Variants in CNGB1 observed in about 807,000 individuals in gnomAD.
The protein encoded by CNGB1 is cyclic nucleotide-gated channel beta-1.
Under a neutral mutation model 151.7 loss-of-function variants are expected in CNGB1, and 126 were observed. The observed-to-expected ratio is 0.83, with a 90% CI of 0.72 to 0.96. The LOEUF is 0.96. Ranked by LOEUF, CNGB1 falls within the 40% of genes least tolerant of loss-of-function variation. The pLI is 0.00. For synonymous variants in CNGB1, 623 were observed against 635.1 expected, an observed-to-expected ratio of 0.98 and a Z score of 0.29; for missense variants, 1,698 against 1,627.0, an observed-to-expected ratio of 1.04 and a Z score of -0.75.
At chr16:57,914,598 G>A (rs1960811669) in intron 23 of CNGB1, among the ~76,000 whole-genome samples, 1 of 152,160 alleles carries the variant, frequency 6.6e-6, no homozygotes. Flanking sequence ...TCCATTTGGG[G>A]GATCCTGAAT....
At chr16:57,918,432 A>G (rs1960940368) in intron 20 of CNGB1, among the ~76,000 whole-genome samples, 1 of 152,340 alleles carries the variant, frequency 6.6e-6, no homozygotes, top group Non-Finnish European at 1.5e-5. Context: ...TAAACTCTAA[A>G]GTGCTATGCA....
At chr16:57,891,433 G>A (rs985469109) in intron 31 of CNGB1, among the ~76,000 whole-genome samples, 2 of 152,128 alleles carry the variant, frequency 1.3e-5, no homozygotes, top group Non-Finnish European at 2.9e-5. Flanking sequence ...TTGAGCCCAG[G>A]AGTTCGAGGC....
intron 32 of CNGB1, among the ~76,000 whole-genome samples, chr16:57,885,594 CTT>C (rs1959906854): frequency 7.1e-6 from 1 of 140,710 alleles, no homozygotes; most frequent in African/African-American, 2.7e-5. Context: ...TTCTTTCTTT[CTT>C]TCTTTCTTTC....
At position 57,883,491 on chromosome 16, in the gene CNGB1, G is replaced by GA. The variant is rs1169417058; in HGVS notation, c.*672dup. On this transcript the variant is annotated 3_prime_UTR_variant, in exon 33 of 33. Transcript: ENST00000251102. Reference sequence around the variant, plus strand: ...CACTGTGTCCAGCTCACTGCAGCCAGAAACTCCTGGGCTCAAGCCATCCTC... The same window carrying GA: ...CACTGTGTCCAGCTCACTGCAGCCAGAAAACTCCTGGGCTCAAGCCATCCTC... The GA allele has an allele frequency of 6.4e-6, 1 of 157,006 alleles. No individual in the cohort carries two copies. Among genetic ancestry groups the GA allele is most frequent in the Non-Finnish European group, 1.4e-5 (1 of 71,698 alleles). 9.7% of individuals were successfully genotyped at this position (157,006 alleles called of 1,614,324 possible). A position where few individuals can be genotyped will look rare whatever the true frequency, so the allele number is the denominator to read the frequency against.
At chr16:57,908,336 T>A (rs1273164330) in intron 25 of CNGB1, among the ~76,000 whole-genome samples, 1 of 152,244 alleles carries the variant, frequency 6.6e-6, no homozygotes, top group Non-Finnish European at 1.5e-5. Flanking sequence ...AGCCGCCACC[T>A]TGGACGCAAG....
intron 15 of CNGB1, 135 bp downstream of exon 15, chr16:57,940,099 G>A (rs1468075508): frequency 3.5e-5 from 31 of 896,844 alleles, no homozygotes; most frequent in Admixed American, 1.4e-4. Flanking sequence ...CGCAGGACCC[G>A]CCACCCTGCT....
chr16:57,918,985 T>G (rs1202249256), intron 20 of CNGB1, 114 bp downstream of exon 20: 5 of 1,557,110 alleles, frequency 3.2e-6, no homozygotes, highest in Non-Finnish European at 4.4e-6. Flanking sequence ...TGAACCCAGG[T>G]TGTCTGTGGC....
At chr16:57,928,589 T>A (rs1443394292) in intron 17 of CNGB1, among the ~76,000 whole-genome samples, 1 of 152,214 alleles carries the variant, frequency 6.6e-6, no homozygotes, top group East Asian at 1.9e-4. Context: ...GGTGGGATTG[T>A]AGATGATTAT....
At chr16:57,895,442 T>A (rs1596952938) in intron 31 of CNGB1, among the ~76,000 whole-genome samples, 1 of 151,786 alleles carries the variant, frequency 6.6e-6, no homozygotes, top group Non-Finnish European at 1.5e-5. Context: ...TGGATTGAAA[T>A]TGTTTTATAG....
chr16:57,962,774 G>A (rs769489967), intron 6 of CNGB1, 68 bp downstream of exon 6: 57 of 1,598,372 alleles, frequency 3.6e-5, no homozygotes, highest in Non-Finnish European at 4.9e-5. Flanking sequence ...AAGGGGCAGG[G>A]CCCATCCCAG....
chr16:57,902,379 C>T (rs1257436023), intron 27 of CNGB1, among the ~76,000 whole-genome samples: 1 of 151,350 alleles, frequency 6.6e-6, no homozygotes, highest in Non-Finnish European at 1.5e-5. Flanking sequence ...CCAAGCCAGG[C>T]ACTTTTTAAT....
chr16:57,940,348 A>G, intron 14 of CNGB1, 27 bp from the exon 15 acceptor site: 1 of 1,557,428 alleles, frequency 6.4e-7, no homozygotes, highest in Non-Finnish European at 8.7e-7. Context: ...GGTGGGGAGG[A>G]TAAAAGGACT....
chr16:57,910,673 C>CTT (rs56363726), intron 25 of CNGB1, among the ~76,000 whole-genome samples: 1,997 of 103,886 alleles, frequency 0.019, 41 homozygotes, highest in African/African-American at 0.052. Flanking sequence ...CAAGCCCGGC[C>CTT]TTTTTTTTTT....
intron 14 of CNGB1, among the ~76,000 whole-genome samples, chr16:57,941,945 A>T (rs548337502): frequency 6.6e-6 from 1 of 152,160 alleles, no homozygotes; most frequent in East Asian, 1.9e-4. Flanking sequence ...TCAACCTCCC[A>T]GGCTCAAGCC....
intron 10 of CNGB1, among the ~76,000 whole-genome samples, chr16:57,958,869 T>C (rs921400083): frequency 2.0e-5 from 3 of 151,700 alleles, no homozygotes; most frequent in African/African-American, 7.3e-5. Context: ...ATCTCACTCC[T>C]GTCTCAGCCC....
At position 57,903,918 on chromosome 16, in the gene CNGB1, T is replaced by C; in HGVS notation, c.2698A>G (p.Thr900Ala). The change falls in exon 27 of 33, where the codon ACG becomes GCG. Residue 900 changes from threonine to alanine, a missense_variant. Physicochemically the swap from Thr to Ala is moderately conservative, Grantham distance 58. Transcript: ENST00000251102. ...TTGTAGAAATTCATGTACTTCACCG[T>C]GCTGTCCATGCAGCTGCGGTAGTAG... is the stretch of plus-strand genomic sequence containing the variant. ...QTYYRSCMDSTVKYMNFYKIP... is the reference protein window; with the variant it reads ...QTYYRSCMDSAVKYMNFYKIP... The C allele has an allele frequency of 1.2e-6, 2 of 1,614,146 alleles. No homozygotes were observed. Among genetic ancestry groups the C allele is most frequent in the South Asian group, 1.1e-5 (1 of 91,082 alleles).
In CNGB1 at chr16:57,960,900, C is replaced by T. The variant is rs759738989; in HGVS notation, c.474G>A (p.Leu158=). 1.2e-6 allele frequency: 2 copies of T among 1,614,200 alleles called. No individual in the cohort carries two copies. Among genetic ancestry groups the T allele is most frequent in the South Asian group, 1.1e-5 (1 of 91,078 alleles). The change falls in exon 8 of 33, where the codon CTG becomes CTA. Residue 158 remains leucine (L), a synonymous_variant. Coordinates refer to ENST00000251102, the MANE Select transcript of CNGB1 (RefSeq NM_001297.5). ...EAQDTRPGLR[L]LLWLEQNLER... is the part of the protein sequence containing the mutation. ...CCAGATTCTGCTCCAGCCACAGAAG[C>T]AGCCGCAGCCCAGGCCTGCAGAGGG...
Position 57,884,365 on chromosome 16 carries a change from C to T in CNGB1, c.3555G>A (p.Ala1185=), listed in dbSNP as rs775750549. Residue 1185 remains alanine (A), a synonymous_variant, in exon 33 of 33, where the codon GCG becomes GCA. Coordinates refer to ENST00000251102, the MANE Select transcript of CNGB1 (RefSeq NM_001297.5). ...HPKEAATDPP[A]PRTPPEPPGS... is the part of the protein sequence containing the mutation. ...CCGGGGGCTCGGGGGGCGTCCGGGG[C>T]GCGGGTGGGTCGGTGGCGGCCTCCT... is the stretch of plus-strand genomic sequence containing the variant. 5 of 1,610,976 alleles carry T rather than the reference C, an allele frequency of 3.1e-6. No individual in the cohort carries two copies. The highest frequency in any genetic ancestry group is 3.3e-5 in the Admixed American group (2 of 59,870).
At chr16:57,939,991 G>A (rs1961621599) in intron 15 of CNGB1, among the ~76,000 whole-genome samples, 1 of 152,202 alleles carries the variant, frequency 6.6e-6, no homozygotes, top group Non-Finnish European at 1.5e-5. Context: ...GAGGCGACTT[G>A]CCCCAAGCCA....
Sources: allele counts gnomAD v4.1 joint callset (sites outside exome capture counted in the v4.1 genomes callset), GRCh38; gene constraint gnomAD v4.1.1; transcripts MANE v1.5; gene names NCBI Gene and HGNC (gene_info 2026-07-23, HGNC 2026-07-21).